BRWD1: variants seen among roughly 807,000 people sequenced by gnomAD.
BRWD1 encodes the protein bromodomain and WD repeat domain containing 1.
Under a neutral mutation model 251.2 loss-of-function variants are expected in BRWD1, and 82 were observed. The ratio of observed to expected loss-of-function variants is 0.33; its 90% CI spans 0.27 to 0.39. The LOEUF is 0.39. BRWD1 is among the 10% of genes least tolerant of loss of function. The pLI is 1.00. For missense variants in BRWD1, 2,233 were observed against 2,711.6 expected, an observed-to-expected ratio of 0.82 and a Z score of 3.92; for synonymous variants, 918 against 902.8, an observed-to-expected ratio of 1.02 and a Z score of -0.30.
At chr21:39,291,099 G>A (rs957235165) in intron 8 of BRWD1, among the ~76,000 whole-genome samples, 3 of 152,016 alleles carry the variant, frequency 2.0e-5, no homozygotes, top group African/African-American at 7.2e-5. Flanking sequence ...CACTCCGCCT[G>A]GGCCAAAAAC....
intron 19 of BRWD1, among the ~76,000 whole-genome samples, chr21:39,255,191 G>A (rs932972513): frequency 9.2e-5 from 14 of 152,158 alleles, no homozygotes; most frequent in South Asian, 2.1e-4. Flanking sequence ...CAGGTGGAGC[G>A]CCTGAGGTCA....
chr21:39,217,080 T>C (rs1465615557), intron 31 of BRWD1: 2 of 13,596 alleles, frequency 1.5e-4, no homozygotes, highest in Non-Finnish European at 2.8e-4. Context: ...TATATATATA[T>C]ATATTTTTTT....
intron 19 of BRWD1, among the ~76,000 whole-genome samples, chr21:39,254,184 T>C (rs2034488963): frequency 6.6e-6 from 1 of 152,208 alleles, no homozygotes; most frequent in Non-Finnish European, 1.5e-5. Flanking sequence ...GAGAATCACT[T>C]GAACCCGGAG....
At chr21:39,314,401 T>C (rs4624474), upstream of BRWD1, 278,151 of 450,626 alleles carry the variant, frequency 0.62, 86,804 homozygotes, top group Admixed American at 0.71. Context: ...ACGGCTCGGC[T>C]GGATCCATCC....
In BRWD1 at chr21:39,195,506, C is replaced by G; in HGVS notation, c.*753G>C. 1 of 984,236 alleles carries G rather than the reference C, an allele frequency of 1.0e-6. No individual in the cohort carries two copies. The highest frequency in any genetic ancestry group is 1.2e-6 in the Non-Finnish European group (1 of 828,580). 61.0% of individuals were successfully genotyped at this position (984,236 alleles called of 1,614,324 possible). On this transcript the variant is annotated 3_prime_UTR_variant, in exon 41 of 41. Transcript: ENST00000342449. ...CAGATTATATAGCATTTTGTTAGTG[C>G]ACAATTTAAAAGAAAATGCTCTGAC...
At chr21:39,184,876 C>A (rs1218974150), downstream of BRWD1, 1 of 152,102 alleles carries the variant, frequency 6.6e-6, no homozygotes, top group Non-Finnish European at 1.5e-5. Flanking sequence ...GATGGAACTG[C>A]AGAATAAAAA....
Position 39,222,506 on chromosome 21 carries a change from A to G in BRWD1, c.3382+1902T>C, listed in dbSNP as rs560653720. On this transcript the variant is annotated intron_variant, in intron 29 of 40. Coordinates refer to ENST00000342449, the MANE Select transcript of BRWD1 (RefSeq NM_033656.4). Reference sequence around the variant, plus strand: ...TGAAAACACTCAAAGGCGATTCAAAAGAAAATGTCAAATGGACATAGGAGC... The same window carrying G: ...TGAAAACACTCAAAGGCGATTCAAAGGAAAATGTCAAATGGACATAGGAGC... 2.0e-5 allele frequency among the ~76,000 whole-genome samples: 3 copies of G among 152,346 alleles called. No homozygotes were observed. The South Asian group carries it at 6.2e-4, about 32-fold the overall frequency.
At chr21:39,281,587 T>TG (rs1277238027) in intron 8 of BRWD1, among the ~76,000 whole-genome samples, 1 of 152,094 alleles carries the variant, frequency 6.6e-6, no homozygotes, top group Non-Finnish European at 1.5e-5. Flanking sequence ...CCCAGTACTA[T>TG]GGGAGGCCAA....
chr21:39,245,548 C>T (rs1042272124), intron 21 of BRWD1, among the ~76,000 whole-genome samples: 2 of 151,636 alleles, frequency 1.3e-5, no homozygotes, highest in African/African-American at 4.8e-5. Context: ...TTCCTCAAAA[C>T]ATTACTCAGT....
chr21:39,318,388 T>C (rs981709975), upstream of BRWD1, among the ~76,000 whole-genome samples: 11 of 152,264 alleles, frequency 7.2e-5, no homozygotes, highest in Admixed American at 5.2e-4. Context: ...AAGCCTAATA[T>C]TAGTTTTAAT....
rs1012345125 is a variant in BRWD1 at position 39,297,024 on chromosome 21, C to T, written c.350-661G>A. ...TAGCTTTCCCTTCATTGTAGGATCA[C>T]AGAAAATCCTCTACTGAAGAGCACA... On this transcript the variant is annotated intron_variant, in intron 5 of 40. Coordinates refer to ENST00000342449, the MANE Select transcript of BRWD1 (RefSeq NM_033656.4). 58 of 985,216 alleles carry T rather than the reference C, an allele frequency of 5.9e-5. 1 individual carries two copies. Among genetic ancestry groups the T allele is most frequent in the Non-Finnish European group, 1.2e-6 (1 of 829,912 alleles). 61.0% of individuals were successfully genotyped at this position (985,216 alleles called of 1,614,324 possible).
At chr21:39,249,351 A>G (rs1245451800) in intron 20 of BRWD1, among the ~76,000 whole-genome samples, 1 of 152,214 alleles carries the variant, frequency 6.6e-6, no homozygotes, top group Non-Finnish European at 1.5e-5. Context: ...CCTGAAGCTA[A>G]AAGTTTTCTT....
At chr21:39,252,249 C>A (rs1251784616) in intron 19 of BRWD1, among the ~76,000 whole-genome samples, 283 of 122,058 alleles carry the variant, frequency 2.3e-3, no homozygotes, top group Middle Eastern at 4.7e-3. Context: ...AACTCCGTCT[C>A]AAAAAAAAAA....
rs906144546 is a variant in BRWD1 at position 39,188,252 on chromosome 21, C to G, written c.*8007G>C. The G allele has an allele frequency of 2.0e-6, 2 of 985,232 alleles. No homozygotes were observed. Among genetic ancestry groups the G allele is most frequent in the Non-Finnish European group, 2.4e-6 (2 of 829,914 alleles). The allele number at this position is 985,232 out of a possible 1,614,324, so 61.0% of individuals were successfully genotyped here. ...GGTCTTTCTTGCAGCCATGAACAGTCAAACTATCTAAAACTGCCTTCATGG... is the reference window on the plus strand; with the variant it reads ...GGTCTTTCTTGCAGCCATGAACAGTGAAACTATCTAAAACTGCCTTCATGG... On this transcript the variant is annotated 3_prime_UTR_variant, in exon 41 of 41. Transcript: ENST00000342449.
In BRWD1 at chr21:39,254,126, C is replaced by T. The variant is rs544075456; in HGVS notation, c.2255+1519G>A. Among the ~76,000 whole-genome samples the T allele has an allele frequency of 3.4e-3, 510 of 152,180 alleles. 1 individual carries two copies. Among genetic ancestry groups the T allele is most frequent in the Non-Finnish European group, 5.4e-3 (368 of 68,008 alleles). ...TACTAAAAATACAAAATTAGCCAGG[C>T]GTGGTGGCGCATGCCTGTAGTCCCA... On this transcript the variant is annotated intron_variant, in intron 19 of 40. Coordinates refer to ENST00000342449, the MANE Select transcript of BRWD1 (RefSeq NM_033656.4).
chr21:39,215,788 G>A (rs1237434613), intron 31 of BRWD1, among the ~76,000 whole-genome samples: 3 of 152,094 alleles, frequency 2.0e-5, no homozygotes, highest in African/African-American at 7.2e-5. Flanking sequence ...GAGCCCAGGG[G>A]TTCAAGATCA....
rs1291908708 is a variant in BRWD1 at position 39,189,319 on chromosome 21, A to G, written c.*6940T>C. 1.0e-6 allele frequency: 1 copy of G among 985,246 alleles called. No homozygotes were observed. The highest frequency in any genetic ancestry group is 4.7e-5 in the South Asian group (1 of 21,290). The allele number at this position is 985,246 out of a possible 1,614,324, so 61.0% of individuals were successfully genotyped here. A position where few individuals can be genotyped will look rare whatever the true frequency, so the allele number is the denominator to read the frequency against. On this transcript the variant is annotated 3_prime_UTR_variant, in exon 41 of 41. Coordinates refer to ENST00000342449, the MANE Select transcript of BRWD1 (RefSeq NM_033656.4). The stretch of plus-strand genomic sequence containing the variant: ...GACAAATAGATAAAATTCTATTTCA[A>G]CTACAATTTGTAACAAAATGCTTTA...
chr21:39,297,002 C>T (rs2035979196), intron 5 of BRWD1: 1 of 985,242 alleles, frequency 1.0e-6, no homozygotes, highest in Non-Finnish European at 1.2e-6. Flanking sequence ...AATTATATAG[C>T]TTTCCCTTCA....
chr21:39,238,364 T>C, intron 22 of BRWD1, 115 bp downstream of exon 22: 1 of 695,940 alleles, frequency 1.4e-6, no homozygotes, highest in Non-Finnish European at 2.4e-6. Context: ...CTTTTAAGTG[T>C]ATTAAAAACT....
Sources: gnomAD v4.1 joint callset for allele counts (sites outside exome capture counted in the v4.1 genomes callset) on GRCh38, gnomAD v4.1.1 for gene constraint, MANE v1.5 for transcripts, NCBI Gene and HGNC (gene_info 2026-07-23, HGNC 2026-07-21) for gene names.